Variants in FOCAD observed in about 807,000 individuals in gnomAD.
FOCAD encodes the protein KIAA1797.
In FOCAD, 198 loss-of-function variants were observed where a neutral mutation model predicts 225.6. The observed-to-expected ratio is 0.88, with a 90% CI of 0.78 to 0.99. The LOEUF (loss-of-function observed/expected upper bound fraction) is 0.99, where lower values mean the gene tolerates loss of function less well. Among genes scored for constraint, FOCAD ranks in the 50% least tolerant of loss-of-function variants. The pLI is 0.00. For missense variants in FOCAD, 2,713 were observed against 2,123.6 expected, an observed-to-expected ratio of 1.28 and a Z score of -5.46; for synonymous variants, 897 against 755.0, an observed-to-expected ratio of 1.19 and a Z score of -3.08.
chr9:20,715,181 A>G (rs1474943273), intron 1 of FOCAD, 141 bp from the exon 2 acceptor site: 1 of 360,748 alleles, frequency 2.8e-6, no homozygotes, highest in Non-Finnish European at 4.9e-6. Context: ...TTTGCCAAGG[A>G]TTACTCTGCA....
intron 2 of FOCAD, among the ~76,000 whole-genome samples, chr9:20,670,418 C>G (rs1019510373): frequency 2.6e-5 from 4 of 152,172 alleles, no homozygotes; most frequent in African/African-American, 9.7e-5. Context: ...TGATACAGTT[C>G]TGCATGGCTG....
intron 5 of FOCAD, among the ~76,000 whole-genome samples, chr9:20,753,072 G>C (rs1163703126): frequency 6.6e-6 from 1 of 152,036 alleles, no homozygotes; most frequent in Non-Finnish European, 1.5e-5. Flanking sequence ...GAGTCAATGG[G>C]GTTTTCTAGA....
chr9:20,714,949 T>A (rs2131506181), intron 1 of FOCAD, among the ~76,000 whole-genome samples: 1 of 152,308 alleles, frequency 6.6e-6, no homozygotes, highest in South Asian at 2.1e-4. Flanking sequence ...ATAGATGAAG[T>A]AATTTTATGA....
At chr9:20,833,716 C>T (rs1825730966) in intron 15 of FOCAD, among the ~76,000 whole-genome samples, 1 of 152,072 alleles carries the variant, frequency 6.6e-6, no homozygotes, top group Non-Finnish European at 1.5e-5. Flanking sequence ...TGTAACAACT[C>T]TCTCTTCAAC....
intron 18 of FOCAD, chr9:20,872,664 G>GATTC (rs747231014): frequency 2.1e-4 from 31 of 150,504 alleles, no homozygotes; most frequent in Middle Eastern, 6.8e-3. Context: ...ATTGACATAT[G>GATTC]ATTCATATAC....
chr9:20,664,106 C>G, intron 2 of FOCAD, among the ~76,000 whole-genome samples: 1 of 151,994 alleles, frequency 6.6e-6, no homozygotes, highest in South Asian at 2.1e-4. Context: ...AATGTATTAA[C>G]TCTGTTTTCT....
At chr9:20,789,713 G>T in intron 11 of FOCAD, 105 bp downstream of exon 11, 1 of 1,407,818 alleles carries the variant, frequency 7.1e-7, no homozygotes, top group Non-Finnish European at 9.5e-7. Context: ...TTTAAATTAT[G>T]GGTTGATGAT....
At chr9:20,729,403 C>T (rs952904101) in intron 4 of FOCAD, among the ~76,000 whole-genome samples, 69 of 152,166 alleles carry the variant, frequency 4.5e-4, no homozygotes, top group Non-Finnish European at 1.5e-4. Context: ...CCTGTACTTT[C>T]TCTATAAGGA....
intron 18 of FOCAD, among the ~76,000 whole-genome samples, chr9:20,870,511 T>G (rs556513937): frequency 6.6e-6 from 1 of 152,332 alleles, no homozygotes; most frequent in South Asian, 2.1e-4. Flanking sequence ...TTTTCAACTT[T>G]ATGATGGTGC....
At chr9:20,758,720 A>G (rs1299747558) in intron 6 of FOCAD, among the ~76,000 whole-genome samples, 2 of 152,174 alleles carry the variant, frequency 1.3e-5, no homozygotes, top group Non-Finnish European at 2.9e-5. Context: ...GCTGCATAGT[A>G]TTCCATGGTG....
intron 11 of FOCAD, among the ~76,000 whole-genome samples, chr9:20,797,854 A>G (rs1253958875): frequency 6.6e-6 from 1 of 152,066 alleles, no homozygotes; most frequent in Admixed American, 6.6e-5. Context: ...CTTCTGCCTG[A>G]TTGCCCTGGC....
intron 24 of FOCAD, 79 bp downstream of exon 24, chr9:20,917,016 G>C: frequency 1.8e-6 from 2 of 1,115,976 alleles, no homozygotes; most frequent in Middle Eastern, 2.1e-4. Flanking sequence ...TCTCCTTTTA[G>C]GGCATTTCAT....
At chr9:20,821,545 T>C (rs1489129617) in intron 14 of FOCAD, among the ~76,000 whole-genome samples, 1 of 152,070 alleles carries the variant, frequency 6.6e-6, no homozygotes, top group Non-Finnish European at 1.5e-5. Context: ...ATGTATGCTG[T>C]AAGCTTTTAG....
At position 20,808,389 on chromosome 9, in the gene FOCAD, T is replaced by C. The variant is rs186537365; in HGVS notation, c.1456-11407T>C. On this transcript the variant is annotated intron_variant, in intron 11 of 43. Coordinates refer to ENST00000338382, the MANE Select transcript of FOCAD (RefSeq NM_001375567.1). ...GGCAGGTTTGCCACCTGTAAGGCAT[T>C]CACAGGCTAGTGTGTGTGAGAATGA... 1.8e-3 allele frequency among the ~76,000 whole-genome samples: 273 copies of C among 152,348 alleles called. 2 individuals are homozygous for C. Among genetic ancestry groups the C allele is most frequent in the Admixed American group, 4.3e-3 (66 of 15,300 alleles).
At chr9:20,889,892 T>A (rs76601059) in intron 21 of FOCAD, among the ~76,000 whole-genome samples, 1 of 151,996 alleles carries the variant, frequency 6.6e-6, no homozygotes, top group Non-Finnish European at 1.5e-5. Context: ...TCTATGTTGA[T>A]TTTTTTTGTA....
At chr9:20,957,770 T>A (rs556327566) in intron 35 of FOCAD, among the ~76,000 whole-genome samples, 1 of 143,460 alleles carries the variant, frequency 7.0e-6, no homozygotes, top group Admixed American at 7.3e-5. Flanking sequence ...TGCCCTCCTC[T>A]GCCTCCCAAA....
intron 17 of FOCAD, 43 bp downstream of exon 17, chr9:20,866,019 G>A: frequency 6.6e-7 from 1 of 1,506,352 alleles, no homozygotes; most frequent in Non-Finnish European, 9.1e-7. Context: ...CAAAGCTAAG[G>A]AAATAATTTT....
Position 20,866,917 on chromosome 9 carries a change from T to TTTTAAAA in FOCAD, c.2107-12_2107-11insTTTAAAA. 2.6e-6 allele frequency: 2 copies of TTTTAAAA among 764,970 alleles called. No individual in the cohort carries two copies. Among genetic ancestry groups the TTTTAAAA allele is most frequent in the Non-Finnish European group, 4.0e-6 (2 of 498,466 alleles). The allele number at this position is 764,970 out of a possible 1,614,324, so 47.4% of individuals were successfully genotyped here. On this transcript the variant is annotated splice_polypyrimidine_tract_variant and intron_variant, in intron 17 of 43. Transcript: ENST00000338382. ...TTTTTTTTTTTTTTTTTTTTTTTTT[T>TTTTAAAA]ACCCTATCTAGGACCCAATTGTAGC...
intron 42 of FOCAD, among the ~76,000 whole-genome samples, chr9:20,992,936 C>G (rs1267193229): frequency 6.6e-6 from 1 of 151,582 alleles, no homozygotes; most frequent in East Asian, 1.9e-4. Flanking sequence ...GCACTCCAGC[C>G]TGGTGACAGA....
Sources: gnomAD v4.1 joint callset for allele counts (sites outside exome capture counted in the v4.1 genomes callset) on GRCh38, gnomAD v4.1.1 for gene constraint, MANE v1.5 for transcripts, NCBI Gene and HGNC (gene_info 2026-07-23, HGNC 2026-07-21) for gene names.